The following CTNNA3 variants were observed in gnomAD, a reference collection of about 807,000 sequenced individuals.
CTNNA3 encodes the protein catenin alpha 3, also known as catenin alpha-3.
In CTNNA3, 76 loss-of-function variants were observed where a neutral mutation model predicts 95.7. The observed-to-expected ratio is 0.79, with a 90% confidence interval of 0.66 to 0.96. The LOEUF (loss-of-function observed/expected upper bound fraction) is 0.96, where lower values mean the gene tolerates loss of function less well. Among genes scored for constraint, CTNNA3 ranks in the 40% least tolerant of loss-of-function variants. CTNNA3 has a pLI of 0.00. For missense variants in CTNNA3, 1,191 were observed against 1,089.8 expected (o/e 1.09, Z -1.31); for synonymous variants, 431 against 374.4 (o/e 1.15, Z -1.74).
chr10:67,525,928 G>T (rs566255673), intron 4 of CTNNA3, among the ~76,000 whole-genome samples: 9 of 152,216 alleles, frequency 5.9e-5, no homozygotes, highest in African/African-American at 2.2e-4. Context: ...TCCCATACCC[G>T]CAGCGTTATG....
chr10:67,705,760 C>T (rs983131556), intron 1 of CTNNA3, among the ~76,000 whole-genome samples: 8 of 148,876 alleles, frequency 5.4e-5, no homozygotes, highest in Admixed American at 4.7e-4. Context: ...CACATGTACC[C>T]TAAAACTTAA....
intron 5 of CTNNA3, among the ~76,000 whole-genome samples, chr10:67,250,506 C>T (rs866884692): frequency 6.6e-6 from 1 of 151,408 alleles, no homozygotes; most frequent in Admixed American, 6.6e-5. Context: ...TGAGCCACCG[C>T]GCCCGGCCAC....
At chr10:66,664,659 A>C (rs1031087012) in intron 9 of CTNNA3, among the ~76,000 whole-genome samples, 1 of 151,686 alleles carries the variant, frequency 6.6e-6, no homozygotes, top group Non-Finnish European at 1.5e-5. Context: ...CGTCTCTCCT[A>C]CTCTTCCTGG....
chr10:66,191,342 A>C (rs558478051), intron 13 of CTNNA3, among the ~76,000 whole-genome samples: 2 of 152,226 alleles, frequency 1.3e-5, no homozygotes, highest in East Asian at 3.9e-4. Context: ...CCTGTGTTTC[A>C]TCCCTCCATG....
intron 1 of CTNNA3, among the ~76,000 whole-genome samples, chr10:67,671,739 T>G (rs1840438504): frequency 6.6e-6 from 1 of 151,888 alleles, no homozygotes; most frequent in Non-Finnish European, 1.5e-5. Context: ...TGTGCCACAT[T>G]TTCTTAATCC....
chr10:67,354,413 C>G (rs950415239), intron 5 of CTNNA3, among the ~76,000 whole-genome samples: 2 of 152,038 alleles, frequency 1.3e-5, no homozygotes, highest in Non-Finnish European at 2.9e-5. Flanking sequence ...CTGCAAATAT[C>G]TTGGCTGAAT....
chr10:66,690,657 A>AT (rs544491886), intron 9 of CTNNA3, among the ~76,000 whole-genome samples: 5,714 of 151,700 alleles, frequency 0.038, 388 homozygotes, highest in African/African-American at 0.13. Context: ...TGAACTCATC[A>AT]TTTTTTATGG....
intron 11 of CTNNA3, among the ~76,000 whole-genome samples, chr10:66,461,306 C>A (rs113902181): frequency 0.014 from 2,129 of 152,082 alleles, 49 homozygotes; most frequent in African/African-American, 0.049. Flanking sequence ...AAGGGTGACT[C>A]CTCAGGGTAA....
At chr10:66,854,725 G>C (rs1415438114) in intron 7 of CTNNA3, among the ~76,000 whole-genome samples, 1 of 147,490 alleles carries the variant, frequency 6.8e-6, no homozygotes, top group African/African-American at 2.5e-5. Flanking sequence ...GATGTGTGTG[G>C]GTAAAGAAGA....
rs540006729 is a variant in CTNNA3, at chr10:67,219,728, A to G, written c.722T>C (p.Val241Ala). ...VASLKASKDT[V>A]CEEIQNALNV... ...GAGAGCATTCTGAATTTCTTCACAA[A>G]CTGTGTCCTTGCTTGCTTTGAGGGA... The change falls in exon 6 of 18, where the codon GTT becomes GCT. Residue 241 changes from valine (V) to alanine (A), a missense_variant. By Grantham distance (64) the Val-to-Ala change is moderately conservative. Coordinates refer to ENST00000433211, the MANE Select transcript of CTNNA3 (RefSeq NM_013266.4). The G allele has an allele frequency of 6.2e-6, 10 of 1,614,104 alleles. No homozygotes were observed. The highest frequency in any genetic ancestry group is 1.6e-4 in the Middle Eastern group (1 of 6,062).
intron 2 of CTNNA3, among the ~76,000 whole-genome samples, chr10:67,621,071 G>A (rs1194595763): frequency 6.6e-6 from 1 of 151,856 alleles, no homozygotes; most frequent in Non-Finnish European, 1.5e-5. Context: ...ACTACTGGCT[G>A]ATATCATGGC....
chr10:67,514,720 G>GTT (rs529419460), intron 5 of CTNNA3, among the ~76,000 whole-genome samples: 1,835 of 127,728 alleles, frequency 0.014, 43 homozygotes, highest in African/African-American at 0.045. Context: ...TGTTTTTGTT[G>GTT]TTTTTTTTTT....
chr10:66,696,781 A>G (rs1847781767), intron 9 of CTNNA3, among the ~76,000 whole-genome samples: 1 of 149,434 alleles, frequency 6.7e-6, no homozygotes, highest in Non-Finnish European at 1.5e-5. Flanking sequence ...AAAAAAAAAA[A>G]TTAAAGAATT....
chr10:67,360,814 T>C (rs1842969573), intron 5 of CTNNA3, among the ~76,000 whole-genome samples: 1 of 151,956 alleles, frequency 6.6e-6, no homozygotes, highest in Non-Finnish European at 1.5e-5. Flanking sequence ...TACTAAACCA[T>C]TCATGAGAAA....
intron 7 of CTNNA3, among the ~76,000 whole-genome samples, chr10:67,042,610 G>C (rs1433806351): frequency 6.6e-6 from 1 of 151,890 alleles, no homozygotes; most frequent in Non-Finnish European, 1.5e-5. Flanking sequence ...GAAGCTAGGA[G>C]GAGAAAGGAA....
intron 13 of CTNNA3, among the ~76,000 whole-genome samples, chr10:66,129,602 G>A (rs142561105): frequency 3.3e-5 from 5 of 152,224 alleles, no homozygotes; most frequent in African/African-American, 7.2e-5. Context: ...ATTAGACCTG[G>A]GCAACCCTCA....
intron 13 of CTNNA3, among the ~76,000 whole-genome samples, chr10:66,170,424 C>A (rs1000582484): frequency 6.6e-6 from 1 of 151,714 alleles, no homozygotes; most frequent in Non-Finnish European, 1.5e-5. Context: ...ATATCAAGAT[C>A]TTTTAGAATT....
chr10:66,296,374 TA>T (rs764969490), intron 12 of CTNNA3, among the ~76,000 whole-genome samples: 2 of 152,256 alleles, frequency 1.3e-5, no homozygotes, highest in Non-Finnish European at 2.9e-5. Context: ...ATCACCATAT[TA>T]AAATGACTAT....
chr10:66,753,534 C>T (rs763824168), intron 9 of CTNNA3, among the ~76,000 whole-genome samples: 7 of 151,668 alleles, frequency 4.6e-5, no homozygotes, highest in Non-Finnish European at 7.4e-5. Flanking sequence ...TGGTGGTGGG[C>T]ACCCGTAATC....
Sources: allele counts gnomAD v4.1 joint callset (sites outside exome capture counted in the v4.1 genomes callset), GRCh38; gene constraint gnomAD v4.1.1; transcripts MANE v1.5; gene names NCBI Gene and HGNC (gene_info 2026-07-23, HGNC 2026-07-21).